Variants in MUCL1 observed in about 807,000 individuals in gnomAD.
MUCL1 encodes the protein mucin-like protein 1.
In MUCL1, 11 loss-of-function variants were observed where a neutral mutation model predicts 9.2. That is an observed-to-expected ratio of 1.19 (90% CI 0.75 to 1.97). The LOEUF (loss-of-function observed/expected upper bound fraction) is 1.97. Among genes scored for constraint, MUCL1 ranks in the 30% most tolerant of loss-of-function variants. The pLI, the probability that MUCL1 is intolerant of heterozygous loss-of-function variation, is 0.00. For synonymous variants in MUCL1, 48 were observed against 40.5 expected (o/e 1.19, Z -0.71); for missense variants, 144 against 110.9 (o/e 1.30, Z -1.34).
At position 54,855,013 on chromosome 12, in the gene MUCL1, G is replaced by A. The variant is rs1868288554; in HGVS notation, c.59-103G>A. On this transcript the variant is annotated intron_variant, in intron 1 of 3. Transcript: ENST00000308796. ...TCAACTGGTACACCAAGGACTGAGG[G>A]TCTTCCATTGTAAAGTCTGGAATAT... The A allele has an allele frequency of 5.4e-6, 5 of 934,416 alleles. No individual in the cohort carries two copies. In the Admixed American group the frequency reaches 5.9e-5, roughly 11 times the overall value. 57.9% of individuals were successfully genotyped at this position (934,416 alleles called of 1,614,324 possible).
upstream of MUCL1, among the ~76,000 whole-genome samples, chr12:54,850,363 C>T (rs988747630): frequency 6.7e-5 from 10 of 148,186 alleles, no homozygotes; most frequent in Middle Eastern, 3.4e-3. Flanking sequence ...CCTGTGTCCA[C>T]GTGTTCTCAT....
upstream of MUCL1, among the ~76,000 whole-genome samples, chr12:54,839,056 C>T (rs1030627958): frequency 2.0e-5 from 3 of 152,068 alleles, no homozygotes; most frequent in Non-Finnish European, 2.9e-5. Flanking sequence ...TAGACTATTT[C>T]TCCTAATTAT....
chr12:54,842,283 C>CATAT (rs557743828), intron 1 of MUCL1, among the ~76,000 whole-genome samples: 2 of 150,146 alleles, frequency 1.3e-5, no homozygotes, highest in African/African-American at 4.9e-5. Context: ...TTGTTTGCTG[C>CATAT]ATATATATAT....
intron 1 of MUCL1, among the ~76,000 whole-genome samples, chr12:54,840,513 T>C (rs1420568441): frequency 1.3e-5 from 2 of 152,170 alleles, no homozygotes; most frequent in Non-Finnish European, 2.9e-5. Context: ...GTGGGATTGG[T>C]GTTTTCCTTA....
chr12:54,845,245 G>A (rs966735770), intron 1 of MUCL1, among the ~76,000 whole-genome samples: 3 of 152,082 alleles, frequency 2.0e-5, no homozygotes, highest in African/African-American at 7.2e-5. Context: ...ACTGAGCAAT[G>A]AGCTCTCTGC....
chr12:54,850,819 C>T (rs540882756), upstream of MUCL1, among the ~76,000 whole-genome samples: 231 of 152,310 alleles, frequency 1.5e-3, no homozygotes, highest in African/African-American at 5.0e-3. Context: ...TCTCCAGTAC[C>T]TGTTGTTTCC....
chr12:54,856,412 T>A (rs7309221), intron 2 of MUCL1, among the ~76,000 whole-genome samples: 96,751 of 152,056 alleles, frequency 0.64, 31,838 homozygotes, highest in East Asian at 0.99. Flanking sequence ...GTGGGACGGC[T>A]TCAGAATGTC....
chr12:54,850,242 G>A (rs1959316813), upstream of MUCL1, among the ~76,000 whole-genome samples: 2 of 152,040 alleles, frequency 1.3e-5, no homozygotes, highest in South Asian at 4.1e-4. Flanking sequence ...CATGTGCCAT[G>A]TTGGGGTGCT....
At chr12:54,834,313 A>G (rs1363175434) in intron 1 of MUCL1, among the ~76,000 whole-genome samples, 1 of 152,056 alleles carries the variant, frequency 6.6e-6, no homozygotes, top group African/African-American at 2.4e-5. Context: ...GAATTTACCT[A>G]TCAGCATTTT....
At position 54,856,834 on chromosome 12, in the gene MUCL1, T is replaced by C. The variant is rs1203080490; in HGVS notation, c.165T>C (p.Thr55=). Residue 55 remains threonine, a synonymous_variant, in exon 3 of 4, where the codon ACT becomes ACC. Coordinates refer to ENST00000308796, the MANE Select transcript of MUCL1 (RefSeq NM_058173.3). Reference sequence around the variant, plus strand: ...CTGCTGCTGCAACCACTGCAACCACTGCTGCTCCTACCACTGCAACCACCG... The same window carrying C: ...CTGCTGCTGCAACCACTGCAACCACCGCTGCTCCTACCACTGCAACCACCG... The part of the protein sequence containing the change: ...ETTAAATTAT[T]AAPTTATTAA... 3.1e-6 allele frequency: 5 copies of C among 1,612,664 alleles called. No individual in the cohort carries two copies. The highest frequency in any genetic ancestry group is 4.2e-6 in the Non-Finnish European group (5 of 1,179,062).
intron 3 of MUCL1, among the ~76,000 whole-genome samples, chr12:54,857,301 A>G (rs1452895908): frequency 6.6e-6 from 1 of 151,404 alleles, no homozygotes; most frequent in Admixed American, 6.6e-5. Context: ...TCAGGTAATC[A>G]AGTAAAATCT....
upstream of MUCL1, among the ~76,000 whole-genome samples, chr12:54,835,009 C>T (rs1438147146): frequency 6.6e-6 from 1 of 152,066 alleles, no homozygotes; most frequent in Non-Finnish European, 1.5e-5. Flanking sequence ...ATTTTGTTTT[C>T]CATTCCTGAG....
At chr12:54,845,515 C>T (rs74643749) in intron 1 of MUCL1, among the ~76,000 whole-genome samples, 55 of 152,096 alleles carry the variant, frequency 3.6e-4, no homozygotes, top group African/African-American at 1.2e-3. Context: ...ACAAGGCACC[C>T]TTCACTTCAT....
At chr12:54,848,958 G>A (rs935566542) in intron 1 of MUCL1, among the ~76,000 whole-genome samples, 1 of 152,116 alleles carries the variant, frequency 6.6e-6, no homozygotes, top group Non-Finnish European at 1.5e-5. Context: ...AAGTATATCA[G>A]TGGCTTCATG....
At chr12:54,831,139 T>C (rs1159418700) in intron 1 of MUCL1, among the ~76,000 whole-genome samples, 1 of 152,198 alleles carries the variant, frequency 6.6e-6, no homozygotes, top group Non-Finnish European at 1.5e-5. Flanking sequence ...AGCACTAAGA[T>C]CTCTACAGTC....
At chr12:54,830,749 C>T (rs923129366) in exon 1 of MUCL1, 3 of 152,208 alleles carry the variant, frequency 2.0e-5, no homozygotes, top group Non-Finnish European at 2.9e-5. Context: ...ACTATAGACC[C>T]CTTGGCCTCC....
At chr12:54,837,312 A>T (rs1481265473), upstream of MUCL1, among the ~76,000 whole-genome samples, 4 of 151,920 alleles carry the variant, frequency 2.6e-5, no homozygotes, top group Non-Finnish European at 4.4e-5. Context: ...TGTTGGATTG[A>T]TCCTTTTCCC....
chr12:54,856,001 G>A (rs1012352527), intron 2 of MUCL1, among the ~76,000 whole-genome samples: 1 of 152,224 alleles, frequency 6.6e-6, no homozygotes, highest in African/African-American at 2.4e-5. Flanking sequence ...ACTCACAAAT[G>A]TGGGGCCTGA....
chr12:54,843,810 T>C (rs1486480901), intron 1 of MUCL1, among the ~76,000 whole-genome samples: 5 of 152,210 alleles, frequency 3.3e-5, no homozygotes, highest in Admixed American at 3.3e-4. Flanking sequence ...GTGAGACCCA[T>C]TTCAGACTTC....
Sources: allele counts gnomAD v4.1 joint callset (sites outside exome capture counted in the v4.1 genomes callset), GRCh38; gene constraint gnomAD v4.1.1; transcripts MANE v1.5; gene names NCBI Gene and HGNC (gene_info 2026-07-23, HGNC 2026-07-21).